The following TEK variants were observed in gnomAD, a reference collection of about 807,000 sequenced individuals.
TEK encodes angiopoietin-1 receptor.
A neutral mutation model predicts 131.8 loss-of-function variants in TEK; 43 were observed. That is an observed-to-expected ratio of 0.33 (90% CI 0.26 to 0.42). TEK has a LOEUF of 0.42. TEK is among the 10% of genes least tolerant of loss of function. The pLI is 1.00. For missense variants in TEK, 1,162 were observed against 1,384.4 expected (o/e 0.84, Z 2.55); for synonymous variants, 580 against 491.6 (o/e 1.18, Z -2.38).
intron 19 of TEK, among the ~76,000 whole-genome samples, chr9:27,218,136 G>GT (rs1825894342): frequency 6.7e-6 from 1 of 150,330 alleles, no homozygotes; most frequent in African/African-American, 2.4e-5. Context: ...ACAGTGGCGG[G>GT]GGTCGTCTCT....
rs949011094 is a variant in TEK at position 27,220,156 on chromosome 9, C to G, written c.3200+11C>G. The G allele has an allele frequency of 6.2e-7, 1 of 1,613,036 alleles. No homozygotes were observed. The highest frequency in any genetic ancestry group is 1.7e-5 in the Admixed American group (1 of 60,002). On this transcript the variant is annotated intron_variant, in intron 21 of 22. Coordinates refer to ENST00000380036, the MANE Select transcript of TEK (RefSeq NM_000459.5). ...CTGTGATGATGAGGTGTAAGTCAGG[C>G]CTCATCCTGGGGCTATTTTGTCTTA...
intron 1 of TEK, among the ~76,000 whole-genome samples, chr9:27,115,915 C>T (rs907963518): frequency 6.6e-6 from 1 of 152,192 alleles, no homozygotes; most frequent in Non-Finnish European, 1.5e-5. Context: ...TCATTCTGTA[C>T]ATGTTGAAAT....
chr9:27,126,602 T>G (rs1363682112), intron 1 of TEK, among the ~76,000 whole-genome samples: 1 of 152,190 alleles, frequency 6.6e-6, no homozygotes, highest in East Asian at 1.9e-4. Context: ...CAAGTCAGAC[T>G]GCAATAAAGT....
intron 10 of TEK, among the ~76,000 whole-genome samples, chr9:27,191,264 C>T (rs766540216): frequency 3.3e-5 from 5 of 152,204 alleles, no homozygotes; most frequent in South Asian, 4.2e-4. Flanking sequence ...AAGGGAGCTA[C>T]AGACCCCTCC....
chr9:27,168,762 C>G (rs1823837719), intron 3 of TEK, among the ~76,000 whole-genome samples, 157 bp downstream of exon 3: 1 of 152,140 alleles, frequency 6.6e-6, no homozygotes, highest in Non-Finnish European at 1.5e-5. Flanking sequence ...TAGAAGCCCT[C>G]TTAGGTGACA....
intron 1 of TEK, among the ~76,000 whole-genome samples, chr9:27,113,971 C>G (rs1289594551): frequency 6.6e-6 from 1 of 152,196 alleles, no homozygotes; most frequent in Non-Finnish European, 1.5e-5. Context: ...CTCTACTCTG[C>G]AAACACAATT....
At chr9:27,153,825 T>C (rs947089035) in intron 1 of TEK, among the ~76,000 whole-genome samples, 27 of 152,212 alleles carry the variant, frequency 1.8e-4, no homozygotes, top group African/African-American at 6.5e-4. Context: ...ATGCCTTTCA[T>C]GGTGTCAGCA....
chr9:27,163,528 A>C (rs1232181769), intron 2 of TEK, among the ~76,000 whole-genome samples: 1 of 152,214 alleles, frequency 6.6e-6, no homozygotes, highest in Non-Finnish European at 1.5e-5. Flanking sequence ...TGACTTGGAC[A>C]TGAGTGATGA....
At chr9:27,118,891 A>G (rs755846774) in intron 1 of TEK, among the ~76,000 whole-genome samples, 1 of 152,166 alleles carries the variant, frequency 6.6e-6, no homozygotes, top group African/African-American at 2.4e-5. Flanking sequence ...CATAGAGGAC[A>G]CTGTATCCCT....
intron 10 of TEK, among the ~76,000 whole-genome samples, chr9:27,191,460 G>T (rs1824820077): frequency 6.6e-6 from 1 of 152,004 alleles, no homozygotes. Context: ...GGACTATTCT[G>T]TAAAAAGACC....
intron 20 of TEK, 132 bp downstream of exon 20, chr9:27,218,949 A>AACAT: frequency 1.1e-6 from 1 of 907,322 alleles, no homozygotes. Context: ...TGGAAATAGA[A>AACAT]ACATAGTGTA....
At chr9:27,215,623 A>G (rs928683457) in intron 18 of TEK, among the ~76,000 whole-genome samples, 7 of 150,654 alleles carry the variant, frequency 4.6e-5, no homozygotes, top group Non-Finnish European at 7.4e-5. Flanking sequence ...ACTGCAAACT[A>G]CTATACTAAG....
chr9:27,228,374 A>C, intron 22 of TEK, 69 bp downstream of exon 22: 1 of 1,239,500 alleles, frequency 8.1e-7, no homozygotes, highest in Non-Finnish European at 1.2e-6. Context: ...GTTCATAAAA[A>C]ACATTGAAAT....
At chr9:27,219,973 A>ATATT in intron 20 of TEK, 76 bp from the exon 21 acceptor site, 2 of 1,483,828 alleles carry the variant, frequency 1.3e-6, no homozygotes, top group Non-Finnish European at 9.4e-7. Flanking sequence ...CTGGCCCCTT[A>ATATT]TATTTAGAAA....
intron 21 of TEK, among the ~76,000 whole-genome samples, chr9:27,225,945 AAAG>A (rs1417752249): frequency 2.0e-5 from 3 of 152,244 alleles, no homozygotes; most frequent in Non-Finnish European, 4.4e-5. Context: ...ACACTTCTCA[AAAG>A]AAGATATTTA....
chr9:27,171,878 C>A (rs1823972550), intron 4 of TEK, among the ~76,000 whole-genome samples: 1 of 152,080 alleles, frequency 6.6e-6, no homozygotes, highest in African/African-American at 2.4e-5. Context: ...GTCAAGGAAG[C>A]AATTTGCCTT....
intron 1 of TEK, among the ~76,000 whole-genome samples, chr9:27,128,443 T>C (rs1433496653): frequency 1.3e-5 from 2 of 152,202 alleles, no homozygotes; most frequent in African/African-American, 4.8e-5. Flanking sequence ...TTGCTTAGGA[T>C]TGTCTTGGCT....
chr9:27,150,263 G>A (rs1385579758), intron 1 of TEK, among the ~76,000 whole-genome samples: 2 of 152,150 alleles, frequency 1.3e-5, no homozygotes, highest in Non-Finnish European at 2.9e-5. Context: ...TACCCTTTGT[G>A]CAATCACCAA....
chr9:27,214,194 C>A (rs577229311), intron 18 of TEK, among the ~76,000 whole-genome samples: 1 of 152,200 alleles, frequency 6.6e-6, no homozygotes, highest in Non-Finnish European at 1.5e-5. Flanking sequence ...AAGAGAGATA[C>A]TCATTCTGCT....
Sources: gnomAD v4.1 joint callset for allele counts (sites outside exome capture counted in the v4.1 genomes callset) on GRCh38, gnomAD v4.1.1 for gene constraint, MANE v1.5 for transcripts, NCBI Gene and HGNC (gene_info 2026-07-23, HGNC 2026-07-21) for gene names.